Variants in KDM4C observed in about 807,000 individuals in gnomAD.
The protein encoded by KDM4C is lysine demethylase 4C, also known as lysine-specific demethylase 4C.
Under a neutral mutation model 129.3 loss-of-function variants are expected in KDM4C, and 81 were observed. That is an observed-to-expected ratio of 0.63 (90% CI 0.52 to 0.75). The LOEUF is 0.75. Ranked by LOEUF, KDM4C falls within the 30% of genes least tolerant of loss-of-function variation. The probability of loss-of-function intolerance (pLI) is 0.00; values close to 1 mark genes in which losing one functional copy is unlikely to be tolerated. For synonymous variants in KDM4C, 573 were observed against 456.1 expected (o/e 1.26, Z -3.26); for missense variants, 1,457 against 1,304.0 (o/e 1.12, Z -1.81).
chr9:7,021,523 TC>T (rs1209075002), intron 15 of KDM4C, among the ~76,000 whole-genome samples: 1 of 152,218 alleles, frequency 6.6e-6, no homozygotes, highest in Non-Finnish European at 1.5e-5. Flanking sequence ...TAGATATTTT[TC>T]CTATAGTGTT....
In KDM4C at chr9:6,925,945, C is replaced by G. The variant is rs1391926194; in HGVS notation, c.921+32713C>G. On this transcript the variant is annotated intron_variant, in intron 8 of 21. Coordinates refer to ENST00000381309, the MANE Select transcript of KDM4C (RefSeq NM_015061.6). ...CTTGGGATATTAGGATTAGCAGTCA[C>G]TGGAGTGGAACGTTTCCAGTGGCTT... Among the ~76,000 whole-genome samples the G allele has an allele frequency of 5.3e-5, 8 of 152,146 alleles. No homozygotes were observed. In the East Asian group the frequency reaches 7.7e-4, roughly 15 times the overall value.
upstream of KDM4C, among the ~76,000 whole-genome samples, chr9:6,753,857 A>G (rs1024030842): frequency 6.7e-6 from 1 of 149,688 alleles, no homozygotes; most frequent in Admixed American, 6.7e-5. Flanking sequence ...AAGTATTACT[A>G]TCATTGAATT....
intron 5 of KDM4C, among the ~76,000 whole-genome samples, chr9:6,869,992 CAT>C (rs1190770166): frequency 2.6e-5 from 4 of 152,206 alleles, no homozygotes; most frequent in Non-Finnish European, 5.9e-5. Context: ...GAAAATGTAA[CAT>C]AGTCGCATCT....
At chr9:7,010,544 G>T (rs988154832) in intron 12 of KDM4C, among the ~76,000 whole-genome samples, 3 of 152,164 alleles carry the variant, frequency 2.0e-5, no homozygotes, top group Non-Finnish European at 4.4e-5. Context: ...AGTATTTATT[G>T]ATCAGACTTT....
chr9:6,997,037 G>A (rs1334698105), intron 12 of KDM4C, among the ~76,000 whole-genome samples: 1 of 152,150 alleles, frequency 6.6e-6, no homozygotes, highest in East Asian at 1.9e-4. Flanking sequence ...TACAAATGAG[G>A]GTCAGTCGGC....
intron 12 of KDM4C, among the ~76,000 whole-genome samples, chr9:7,002,254 A>G (rs550484327): frequency 4.6e-5 from 7 of 152,278 alleles, no homozygotes; most frequent in Admixed American, 4.6e-4. Flanking sequence ...TCTTATTTCC[A>G]GAATCTTTTA....
chr9:6,855,589 T>C (rs2130293549), intron 5 of KDM4C, among the ~76,000 whole-genome samples: 1 of 151,960 alleles, frequency 6.6e-6, no homozygotes, highest in Middle Eastern at 3.4e-3. Context: ...TGGATGTCTG[T>C]CTCAGCCTTT....
chr9:6,883,525 A>G (rs1415204060), intron 6 of KDM4C, among the ~76,000 whole-genome samples: 1 of 152,242 alleles, frequency 6.6e-6, no homozygotes, highest in Non-Finnish European at 1.5e-5. Flanking sequence ...GTCTGTATTT[A>G]AATGTAATTG....
At chr9:6,835,101 C>T in intron 4 of KDM4C, 1 of 1,003,678 alleles carries the variant, frequency 1.0e-6, no homozygotes, top group Non-Finnish European at 1.6e-6. Context: ...AGAAGCTGTG[C>T]TATGTTGCTC....
At chr9:6,895,226 A>AT (rs1390611724) in intron 8 of KDM4C, among the ~76,000 whole-genome samples, 1 of 152,224 alleles carries the variant, frequency 6.6e-6, no homozygotes, top group Non-Finnish European at 1.5e-5. Context: ...TCTGTAGGTA[A>AT]TAGGCCTAGC....
At chr9:6,849,916 T>C (rs1040215976) in intron 5 of KDM4C, among the ~76,000 whole-genome samples, 3 of 152,230 alleles carry the variant, frequency 2.0e-5, no homozygotes, top group Non-Finnish European at 4.4e-5. Flanking sequence ...ATGCACTGTA[T>C]AACAATGTTT....
At chr9:6,746,808 A>C (rs1212894714) in intron 1 of KDM4C, among the ~76,000 whole-genome samples, 2 of 149,240 alleles carry the variant, frequency 1.3e-5, no homozygotes, top group Non-Finnish European at 3.0e-5. Flanking sequence ...GGAGATCGAG[A>C]CCATCCTGGC....
At chr9:6,938,379 G>T (rs1388702099) in intron 8 of KDM4C, among the ~76,000 whole-genome samples, 1 of 152,126 alleles carries the variant, frequency 6.6e-6, no homozygotes, top group Non-Finnish European at 1.5e-5. Context: ...TTAGGAGGAT[G>T]AAAAGAAATA....
At chr9:7,050,086 G>A (rs1829933413) in intron 17 of KDM4C, among the ~76,000 whole-genome samples, 1 of 152,010 alleles carries the variant, frequency 6.6e-6, no homozygotes, top group Non-Finnish European at 1.5e-5. Context: ...CGAGCTGGGT[G>A]TGCCGTCTCT....
intron 8 of KDM4C, among the ~76,000 whole-genome samples, chr9:6,973,601 C>G (rs942808449): frequency 2.0e-5 from 3 of 152,052 alleles, no homozygotes; most frequent in African/African-American, 7.3e-5. Flanking sequence ...AATATGGTAA[C>G]CTAGAATTTA....
chr9:7,001,856 A>T (rs564095103), intron 12 of KDM4C, among the ~76,000 whole-genome samples: 2 of 152,108 alleles, frequency 1.3e-5, no homozygotes, highest in African/African-American at 4.8e-5. Context: ...GCTGTTAATG[A>T]AATAGCTTAT....
intron 5 of KDM4C, among the ~76,000 whole-genome samples, chr9:6,856,539 CGTGTGTGTGTGTGTGTGTGTGT>C (rs201267627): frequency 7.6e-6 from 1 of 131,546 alleles, no homozygotes; most frequent in Non-Finnish European, 1.6e-5. Flanking sequence ...TCTCTGTGTG[CGTGTGTGTGTGTGTGTGTGTGT>C]GTGTGTGTGT....
At chr9:6,837,609 A>T (rs1480310539) in intron 4 of KDM4C, among the ~76,000 whole-genome samples, 1 of 152,150 alleles carries the variant, frequency 6.6e-6, no homozygotes, top group Non-Finnish European at 1.5e-5. Context: ...GGCTTAGAAT[A>T]TCTTTTCATG....
At chr9:6,924,127 T>G (rs916865714) in intron 8 of KDM4C, among the ~76,000 whole-genome samples, 1 of 152,176 alleles carries the variant, frequency 6.6e-6, no homozygotes, top group Non-Finnish European at 1.5e-5. Context: ...TTTCTTTTTT[T>G]AAAAAAAGTT....
Sources: gnomAD v4.1 joint callset for allele counts (sites outside exome capture counted in the v4.1 genomes callset) on GRCh38, gnomAD v4.1.1 for gene constraint, MANE v1.5 for transcripts, NCBI Gene and HGNC (gene_info 2026-07-23, HGNC 2026-07-21) for gene names.